The following ADAMTSL3 variants were observed in gnomAD, a reference collection of about 807,000 sequenced individuals.
ADAMTSL3 encodes ADAMTS like 3.
Under a neutral mutation model 201.7 loss-of-function variants are expected in ADAMTSL3, and 128 were observed. That is an observed-to-expected ratio of 0.63 (90% confidence interval 0.55 to 0.73). The LOEUF is 0.73. Among genes scored for constraint, ADAMTSL3 ranks in the 30% least tolerant of loss-of-function variants. The probability of loss-of-function intolerance (pLI) is 0.00; values close to 1 mark genes in which losing one functional copy is unlikely to be tolerated. For synonymous variants in ADAMTSL3, 738 were observed against 748.4 expected (o/e 0.99, Z 0.23); for missense variants, 1,990 against 2,119.6 (o/e 0.94, Z 1.20).
intron 4 of ADAMTSL3, among the ~76,000 whole-genome samples, chr15:83,778,358 G>A (rs1463064403): frequency 6.6e-6 from 1 of 152,172 alleles, no homozygotes; most frequent in African/African-American, 2.4e-5. Flanking sequence ...GAGAAAAAAT[G>A]TTAAAGACAG....
intron 9 of ADAMTSL3, among the ~76,000 whole-genome samples, chr15:83,879,017 A>G (rs2065228228): frequency 6.6e-6 from 1 of 151,970 alleles, no homozygotes; most frequent in African/African-American, 2.4e-5. Flanking sequence ...GAATTTGTCT[A>G]TTTCAACTAA....
intron 17 of ADAMTSL3, among the ~76,000 whole-genome samples, chr15:83,941,589 A>G (rs1004433353): frequency 1.3e-5 from 2 of 152,166 alleles, no homozygotes; most frequent in African/African-American, 4.8e-5. Flanking sequence ...CTGTATTTCT[A>G]TGTTAATAAC....
chr15:83,828,263 T>C (rs1484773224), intron 6 of ADAMTSL3, among the ~76,000 whole-genome samples: 6 of 152,240 alleles, frequency 3.9e-5, no homozygotes, highest in African/African-American at 1.2e-4. Context: ...GTTGGATTCC[T>C]AGGTATTTTA....
At chr15:83,890,544 C>T (rs112087107) in intron 11 of ADAMTSL3, among the ~76,000 whole-genome samples, 4 of 152,342 alleles carry the variant, frequency 2.6e-5, no homozygotes, top group African/African-American at 7.2e-5. Context: ...ATCTGCCAAT[C>T]ATAAATATCT....
chr15:83,942,467 G>A (rs2142035293), intron 17 of ADAMTSL3, 129 bp from the exon 18 acceptor site: 1 of 747,918 alleles, frequency 1.3e-6, no homozygotes, highest in Non-Finnish European at 2.1e-6. Context: ...GAGATGCTGT[G>A]ACTGTAGAAT....
intron 5 of ADAMTSL3, among the ~76,000 whole-genome samples, chr15:83,807,475 A>G (rs773512423): frequency 1.3e-5 from 2 of 152,192 alleles, no homozygotes; most frequent in Non-Finnish European, 2.9e-5. Context: ...AAATCAAAAC[A>G]GTAATGAAAT....
In ADAMTSL3 at chr15:83,654,548, G is replaced by T. The variant is rs1455879506; in HGVS notation, c.-34+272G>T. Among the ~76,000 whole-genome samples, 1 of 152,106 alleles carries T rather than the reference G, an allele frequency of 6.6e-6. No homozygotes were observed. The highest frequency in any genetic ancestry group is 2.0e-4 in the East Asian group (1 of 5,122). On this transcript the variant is annotated intron_variant, in intron 1 of 29. Transcript: ENST00000286744. This position sits in a 1 kb window ranked among gnomAD's most constrained non-coding sequence, Gnocchi z 5.3. ...CGGGCTGAGGGGCGTTCTTGATTAT[G>T]GGGGAACTCCACAGGGTTGGAGTTT... is the stretch of plus-strand genomic sequence containing the variant.
chr15:83,764,136 C>G (rs1277118935), intron 3 of ADAMTSL3, among the ~76,000 whole-genome samples: 1 of 152,202 alleles, frequency 6.6e-6, no homozygotes, highest in East Asian at 1.9e-4. Flanking sequence ...AACTTTGCAT[C>G]TATGCTCTCC....
intron 3 of ADAMTSL3, among the ~76,000 whole-genome samples, chr15:83,735,081 A>G (rs1567108322): frequency 6.6e-6 from 1 of 152,218 alleles, no homozygotes; most frequent in Non-Finnish European, 1.5e-5. Context: ...TTGTAGAATA[A>G]GAGTATTTTT....
intron 2 of ADAMTSL3, among the ~76,000 whole-genome samples, chr15:83,693,745 A>G (rs1295171040): frequency 6.6e-6 from 1 of 152,126 alleles, no homozygotes; most frequent in Non-Finnish European, 1.5e-5. Flanking sequence ...CTGCTTCCCC[A>G]AGTTAGAATA....
rs151263598 is a variant in ADAMTSL3 at position 83,871,005 on chromosome 15, C to A, written c.960+46C>A. On this transcript the variant is annotated intron_variant, in intron 9 of 29. Coordinates refer to ENST00000286744, the MANE Select transcript of ADAMTSL3 (RefSeq NM_207517.3). ...AACTTCATGTACCTGAATCCCAGAA[C>A]ATCTTGATTTTTAAAACAATGAGTT... is the stretch of plus-strand genomic sequence containing the variant. 1,408 of 1,588,412 alleles carry A rather than the reference C, an allele frequency of 8.9e-4. 1 individual carries two copies. Among genetic ancestry groups the A allele is most frequent in the Non-Finnish European group, 1.1e-3 (1,270 of 1,170,254 alleles).
intron 4 of ADAMTSL3, among the ~76,000 whole-genome samples, chr15:83,791,036 G>T (rs193249721): frequency 1.2e-4 from 18 of 152,272 alleles, no homozygotes; most frequent in African/African-American, 4.3e-4. Context: ...AGCCAAGGAG[G>T]TGAAAGATCT....
At chr15:83,898,967 T>C (rs1373298582) in intron 14 of ADAMTSL3, among the ~76,000 whole-genome samples, 1 of 152,188 alleles carries the variant, frequency 6.6e-6, no homozygotes, top group African/African-American at 2.4e-5. Context: ...GAAGTCTTTT[T>C]TCCTTCCTTC....
intron 2 of ADAMTSL3, among the ~76,000 whole-genome samples, chr15:83,671,867 G>A (rs966496714): frequency 5.3e-5 from 8 of 152,178 alleles, no homozygotes; most frequent in Non-Finnish European, 1.2e-4. Flanking sequence ...TCCTTAAGAG[G>A]AATAATGGGC....
At chr15:83,785,206 A>G (rs1484114573) in intron 4 of ADAMTSL3, among the ~76,000 whole-genome samples, 1 of 152,172 alleles carries the variant, frequency 6.6e-6, no homozygotes, top group Non-Finnish European at 1.5e-5. Flanking sequence ...TTTCATTTCT[A>G]ACAGATTCCC....
chr15:83,663,801 C>A (rs2061209430), intron 2 of ADAMTSL3, among the ~76,000 whole-genome samples: 1 of 152,364 alleles, frequency 6.6e-6, no homozygotes, highest in East Asian at 1.9e-4. Context: ...CCCTGAAAAT[C>A]TGCAATACAG....
chr15:83,801,658 ATATATATAT>A lies in ADAMTSL3; in HGVS notation c.318-2991_318-2983del, dbSNP rs1567154042. On this transcript the variant is annotated intron_variant, in intron 4 of 29. Coordinates refer to ENST00000286744, the MANE Select transcript of ADAMTSL3 (RefSeq NM_207517.3). ...TATAAATATATAAATATAAATATAT[ATATATATAT>A]ATATATATATATATATATATATATA... is the stretch of plus-strand genomic sequence containing the variant. Among the ~76,000 whole-genome samples, 482 of 68,798 alleles carry A rather than the reference ATATATATAT, an allele frequency of 7.0e-3. 33 individuals are homozygous for A. The highest frequency in any genetic ancestry group is 0.021 in the African/African-American group (441 of 21,414). The allele number at this position is 68,798 out of a possible 152,430, so 45.1% of individuals were successfully genotyped here. A position where few individuals can be genotyped will look rare whatever the true frequency, so the allele number is the denominator to read the frequency against.
chr15:83,805,458 G>T lies in ADAMTSL3; in HGVS notation c.363+763G>T, dbSNP rs1343831952. Among the ~76,000 whole-genome samples, 3 of 151,874 alleles carry T rather than the reference G, an allele frequency of 2.0e-5. No homozygotes were observed. In the East Asian group the frequency reaches 5.8e-4, roughly 29 times the overall value. The stretch of plus-strand genomic sequence containing the variant: ...TGTAGTCCCAGCTACTTTAGAGGCT[G>T]AGGAAGGAGAATTGCTTGAACCCAG... On this transcript the variant is annotated intron_variant, in intron 5 of 29. Transcript: ENST00000286744.
At chr15:83,907,080 C>T (rs1815172) in intron 15 of ADAMTSL3, among the ~76,000 whole-genome samples, 89,124 of 139,380 alleles carry the variant, frequency 0.64, 28,906 homozygotes, top group African/African-American at 0.8. Context: ...GGTGACAGAG[C>T]AAGACCCTGT....
Sources: gnomAD v4.1 joint callset for allele counts (sites outside exome capture counted in the v4.1 genomes callset) on GRCh38, gnomAD v4.1.1 for gene constraint, Gnocchi (gnomAD v3.1) non-coding constraint, MANE v1.5 for transcripts, NCBI Gene and HGNC (gene_info 2026-07-23, HGNC 2026-07-21) for gene names.